Variants in CLPB observed in about 807,000 individuals in gnomAD.
CLPB encodes ClpB family mitochondrial disaggregase.
Under a neutral mutation model 78.4 loss-of-function variants are expected in CLPB, and 40 were observed. The observed-to-expected ratio is 0.51, with a 90% confidence interval of 0.40 to 0.66. The LOEUF is 0.66. CLPB is among the 30% of genes least tolerant of loss of function. The pLI is 0.00. For synonymous variants in CLPB, 333 were observed against 348.0 expected (o/e 0.96, Z 0.48); for missense variants, 780 against 886.9 (o/e 0.88, Z 1.53).
chr11:72,372,944 C>A (rs904417160), intron 4 of CLPB: 2 of 1,614,092 alleles, frequency 1.2e-6, no homozygotes, highest in East Asian at 4.5e-5. Context: ...GGAGTCCTAG[C>A]CATCTCCTGA....
intron 3 of CLPB, 35 bp from the exon 4 acceptor site, chr11:72,380,419 C>A: frequency 6.4e-7 from 1 of 1,560,128 alleles, no homozygotes; most frequent in Non-Finnish European, 8.8e-7. Flanking sequence ...GTGTCAAAAG[C>A]AAGAAAGGCC....
intron 3 of CLPB, among the ~76,000 whole-genome samples, chr11:72,392,380 C>T (rs1855279912): frequency 1.3e-5 from 2 of 152,148 alleles, no homozygotes; most frequent in African/African-American, 4.8e-5. Context: ...AACCTGGTCT[C>T]TGGCTGGTCA....
chr11:72,369,855 G>A (rs909401557), intron 4 of CLPB, among the ~76,000 whole-genome samples: 3 of 152,032 alleles, frequency 2.0e-5, no homozygotes, highest in African/African-American at 4.8e-5. Flanking sequence ...AATGAACTGC[G>A]TGCGTCAGGG....
chr11:72,363,985 G>A (rs79457335), intron 4 of CLPB, among the ~76,000 whole-genome samples: 53 of 152,326 alleles, frequency 3.5e-4, no homozygotes, highest in African/African-American at 1.2e-3. Flanking sequence ...CCAGTTAGAA[G>A]CAGAGCACTT....
chr11:72,307,109 T>C (rs1235547234), intron 9 of CLPB, 90 bp downstream of exon 9: 10 of 1,196,972 alleles, frequency 8.4e-6, no homozygotes, highest in Non-Finnish European at 8.7e-6. Flanking sequence ...TGATTGCCTA[T>C]TACTGAATTC....
rs372126133 is a variant in CLPB, at chr11:72,293,618, G to A, written c.1786-3C>T. The stretch of plus-strand genomic sequence containing the variant: ...TGGTTCACCACACGGCGTTCTACCT[G>A]TCGGTGGGGAGGTGAAGTGGTCACT... On this transcript the variant is annotated splice_polypyrimidine_tract_variant and splice_region_variant and intron_variant, in intron 15 of 15. Transcript: ENST00000538039. 7 of 1,608,176 alleles carry A rather than the reference G, an allele frequency of 4.4e-6. No homozygotes were observed. In the African/African-American group the frequency reaches 9.4e-5, roughly 21 times the overall value.
intron 4 of CLPB, among the ~76,000 whole-genome samples, chr11:72,369,530 A>C (rs529663811): frequency 3.3e-5 from 5 of 152,016 alleles, no homozygotes; most frequent in African/African-American, 1.2e-4. Flanking sequence ...CAGCTATGCT[A>C]CTTGGTTGGT....
intron 9 of CLPB, among the ~76,000 whole-genome samples, chr11:72,305,328 TTC>T (rs1474786385): frequency 2.0e-5 from 3 of 152,240 alleles, no homozygotes; most frequent in African/African-American, 7.2e-5. Context: ...CCATGCTATC[TTC>T]CCCATAGGAT....
chr11:72,416,139 T>C (rs1421110059), intron 2 of CLPB, among the ~76,000 whole-genome samples: 2 of 152,316 alleles, frequency 1.3e-5, no homozygotes, highest in African/African-American at 2.4e-5. Context: ...TTTCACACTA[T>C]TGCTTCAGAG....
rs1040461800 is a variant in CLPB at position 72,286,199 on chromosome 11, T to C, written c.*7168A>G. On this transcript the variant is annotated 3_prime_UTR_variant, in exon 16 of 16. Coordinates refer to ENST00000538039, the MANE Select transcript of CLPB (RefSeq NM_001258392.3). ...TTGACCCCTCAGTGTTCTGTTGAGA[T>C]TACAGGTGTGAGATACTGCACCTGT... 3 of 148,466 alleles carry C rather than the reference T, an allele frequency of 2.0e-5. No homozygotes were observed. Among genetic ancestry groups the C allele is most frequent in the Non-Finnish European group, 4.4e-5 (3 of 67,534 alleles). 9.2% of individuals were successfully genotyped at this position (148,466 alleles called of 1,614,324 possible).
chr11:72,330,791 C>T (rs1950210195), intron 5 of CLPB, among the ~76,000 whole-genome samples: 1 of 152,086 alleles, frequency 6.6e-6, no homozygotes, highest in Admixed American at 6.5e-5. Context: ...GTGTGTTACA[C>T]AGAACATTAA....
intron 2 of CLPB, among the ~76,000 whole-genome samples, chr11:72,416,894 G>C (rs796468204): frequency 1.5e-4 from 23 of 152,290 alleles, no homozygotes; most frequent in African/African-American, 5.3e-4. Context: ...TAGGTTTGCT[G>C]TAAGTGATGA....
rs534214521 is a variant in CLPB, at chr11:72,379,605, T to C, written c.646+676A>G. Among the ~76,000 whole-genome samples the C allele has an allele frequency of 3.9e-5, 6 of 152,208 alleles. No homozygotes were observed. The South Asian group carries it at 1.2e-3, about 32-fold the overall frequency. The stretch of plus-strand genomic sequence containing the variant: ...CAAGACTCATCCCAGAGCCTCTTCA[T>C]TCTGAAGTTCAAACCACCACCAACA... On this transcript the variant is annotated intron_variant, in intron 4 of 15. Coordinates refer to ENST00000538039, the MANE Select transcript of CLPB (RefSeq NM_001258392.3).
At chr11:72,403,740 T>C (rs1855628156) in intron 2 of CLPB, among the ~76,000 whole-genome samples, 1 of 152,224 alleles carries the variant, frequency 6.6e-6, no homozygotes, top group South Asian at 2.1e-4. Flanking sequence ...AGAATCTATA[T>C]GCCAGTGCCT....
intron 4 of CLPB, among the ~76,000 whole-genome samples, chr11:72,370,910 T>TA (rs1441164825): frequency 6.6e-6 from 1 of 152,198 alleles, no homozygotes; most frequent in Non-Finnish European, 1.5e-5. Context: ...GTCTAAAGGA[T>TA]AAAGTCCAAG....
At chr11:72,347,790 CT>C in intron 5 of CLPB, among the ~76,000 whole-genome samples, 1 of 152,282 alleles carries the variant, frequency 6.6e-6, no homozygotes, top group Non-Finnish European at 1.5e-5. Context: ...AATTAGTTGA[CT>C]TTGAGATTAC....
intron 5 of CLPB, among the ~76,000 whole-genome samples, chr11:72,333,840 T>TGC (rs1283184479): frequency 6.6e-6 from 1 of 151,950 alleles, no homozygotes; most frequent in Non-Finnish European, 1.5e-5. Flanking sequence ...GACAGCATCC[T>TGC]CCCCTCCCCG....
At chr11:72,388,212 G>A (rs1472944978) in intron 3 of CLPB, among the ~76,000 whole-genome samples, 2 of 151,582 alleles carry the variant, frequency 1.3e-5, no homozygotes, top group African/African-American at 4.9e-5. Context: ...ATCCAAGACA[G>A]TGACTCATCC....
At chr11:72,363,851 C>T (rs184423264) in intron 4 of CLPB, among the ~76,000 whole-genome samples, 93 of 152,298 alleles carry the variant, frequency 6.1e-4, no homozygotes, top group Non-Finnish European at 1.2e-3. Context: ...TCGGTTGATA[C>T]CAGCTGAAGC....
Sources: allele counts gnomAD v4.1 joint callset (sites outside exome capture counted in the v4.1 genomes callset), GRCh38; gene constraint gnomAD v4.1.1; transcripts MANE v1.5; gene names NCBI Gene and HGNC (gene_info 2026-07-23, HGNC 2026-07-21).